The following ODAD1 variants were observed in gnomAD, a reference collection of about 807,000 sequenced individuals.
ODAD1 encodes outer dynein arm-docking complex subunit 1.
A neutral mutation model predicts 67.2 loss-of-function variants in ODAD1; 49 were observed. That is an observed-to-expected ratio of 0.73 (90% CI 0.58 to 0.92). ODAD1 has a LOEUF of 0.92. Ranked by LOEUF, ODAD1 falls within the 40% of genes least tolerant of loss-of-function variation. The pLI is 0.00. For missense variants in ODAD1, 897 were observed against 953.7 expected, an observed-to-expected ratio of 0.94 and a Z score of 0.78; for synonymous variants, 345 against 393.7, an observed-to-expected ratio of 0.88 and a Z score of 1.46.
chr19:48,300,010 TA>T (rs565387758), intron 12 of ODAD1, among the ~76,000 whole-genome samples: 146 of 135,588 alleles, frequency 1.1e-3, no homozygotes, highest in East Asian at 1.1e-3. Context: ...ATCCTATCTC[TA>T]AAAAAAAAAA....
intron 8 of ODAD1, chr19:48,306,015 C>G (rs565129069): frequency 5.8e-6 from 1 of 172,618 alleles, no homozygotes; most frequent in Non-Finnish European, 1.1e-5. Flanking sequence ...GCCAAGATAG[C>G]GCAACTGCAC....
intron 1 of ODAD1, among the ~76,000 whole-genome samples, chr19:48,321,044 C>A (rs148306415): frequency 0.11 from 17,030 of 152,242 alleles, 1,332 homozygotes; most frequent in East Asian, 0.2. Context: ...CGAGACCAAC[C>A]TGGCCAACAT....
chr19:48,312,298 C>T (rs1432666702), intron 5 of ODAD1, among the ~76,000 whole-genome samples, 182 bp from the exon 6 acceptor site: 2 of 151,934 alleles, frequency 1.3e-5, no homozygotes, highest in Non-Finnish European at 2.9e-5. Flanking sequence ...CTTCCAACCA[C>T]AGTGTATCAC....
intron 15 of ODAD1, 28 bp from the exon 16 acceptor site, chr19:48,297,546 C>T (rs896767175): frequency 1.9e-6 from 3 of 1,597,714 alleles, no homozygotes; most frequent in Non-Finnish European, 2.6e-6. Context: ...TGGGCCCCGA[C>T]ACACACTGAG....
chr19:48,314,636 AT>A (rs1968851521), intron 5 of ODAD1, among the ~76,000 whole-genome samples: 1 of 152,002 alleles, frequency 6.6e-6, no homozygotes, highest in South Asian at 2.1e-4. Flanking sequence ...AGTTGCTGCA[AT>A]AAAAGCCAAA....
intron 10 of ODAD1, 70 bp from the exon 11 acceptor site, chr19:48,303,165 CAG>C: frequency 8.4e-7 from 1 of 1,196,830 alleles, no homozygotes. Flanking sequence ...AGAACAGAGA[CAG>C]AGAGGCATAC....
chr19:48,297,776 G>T, intron 14 of ODAD1, 108 bp from the exon 15 acceptor site: 4 of 1,055,786 alleles, frequency 3.8e-6, no homozygotes, highest in Non-Finnish European at 5.3e-6. Context: ...CACCAGCCCC[G>T]AGTGCCCTTC....
In ODAD1 at chr19:48,298,308, C is replaced by T. The variant is rs560134827; in HGVS notation, c.1273G>A (p.Asp425Asn). ...AGGAGGTCATCGATCATGCTGCTGT[C>T]GCAATGGGCCTTGGTGAAGAGGAGC... is the stretch of plus-strand genomic sequence containing the variant. ...IQLLFTKAHC[D>N]SSMIDDLLGV... The change falls in exon 13 of 16, where the codon GAC (aspartate) becomes AAC (asparagine). Residue 425 changes from aspartate to asparagine, a missense_variant. Physicochemically the swap from Asp to Asn is conservative, Grantham distance 23. Coordinates refer to ENST00000674294, the MANE Select transcript of ODAD1 (RefSeq NM_001364171.2). The T allele has an allele frequency of 9.5e-5, 154 of 1,614,178 alleles. 3 individuals are homozygous for T. In the South Asian group the frequency reaches 1.6e-3, roughly 17 times the overall value.
chr19:48,314,989 G>C (rs1271014491), intron 5 of ODAD1, among the ~76,000 whole-genome samples: 1 of 152,054 alleles, frequency 6.6e-6, no homozygotes, highest in East Asian at 1.9e-4. Context: ...TGACACTGGG[G>C]GAAAATGCAG....
At chr19:48,298,428 C>T (rs574106936) in intron 12 of ODAD1, 88 bp from the exon 13 acceptor site, 18 of 1,361,158 alleles carry the variant, frequency 1.3e-5, no homozygotes, top group Admixed American at 3.8e-5. Context: ...CTGCCCCATT[C>T]TACAGAGACT....
intron 5 of ODAD1, among the ~76,000 whole-genome samples, chr19:48,314,710 G>A: frequency 6.6e-6 from 1 of 152,040 alleles, no homozygotes; most frequent in African/African-American, 2.4e-5. Context: ...AGAGGCCGAG[G>A]CGAGTGGATC....
chr19:48,308,069 A>G (rs1968664069), intron 7 of ODAD1, among the ~76,000 whole-genome samples: 1 of 152,210 alleles, frequency 6.6e-6, no homozygotes, highest in Non-Finnish European at 1.5e-5. Flanking sequence ...CAATTTGAAT[A>G]TTAAAATGAA....
chr19:48,300,831 T>C (rs8102288), intron 12 of ODAD1, among the ~76,000 whole-genome samples: 22,160 of 152,130 alleles, frequency 0.15, 1,824 homozygotes, highest in Non-Finnish European at 0.17. Flanking sequence ...ATGGCTAATA[T>C]TAAAATGGCT....
chr19:48,303,933 G>C lies in ODAD1; in HGVS notation c.853+20C>G. The C allele has an allele frequency of 6.2e-7, 1 of 1,608,160 alleles. No individual in the cohort carries two copies. The highest frequency in any genetic ancestry group is 8.5e-7 in the Non-Finnish European group (1 of 1,175,404). ...GGCGGCCAGGCCCTTGAGATGCAAA[G>C]GCAGCAGCCCCAGCCTCACCCTGCT... On this transcript the variant is annotated intron_variant, in intron 9 of 15. Transcript: ENST00000674294.
chr19:48,318,881 A>G (rs1968970564), intron 3 of ODAD1, 69 bp from the exon 4 acceptor site: 2 of 963,716 alleles, frequency 2.1e-6, no homozygotes, highest in Admixed American at 2.0e-5. Flanking sequence ...CCCAGGACCT[A>G]GGAATTCTGC....
chr19:48,321,071 T>C (rs1569014219), intron 1 of ODAD1, among the ~76,000 whole-genome samples: 1 of 152,152 alleles, frequency 6.6e-6, no homozygotes, highest in Non-Finnish European at 1.5e-5. Flanking sequence ...ACCCCGTCTC[T>C]ACTAAAAGTA....
At position 48,311,570 on chromosome 19, in the gene ODAD1, C is replaced by G; in HGVS notation, c.580G>C (p.Asp194His). 6.5e-7 allele frequency: 1 copy of G among 1,549,588 alleles called. No individual in the cohort carries two copies. The highest frequency in any genetic ancestry group is 8.7e-7 in the Non-Finnish European group (1 of 1,145,270). Residue 194 changes from aspartate (D) to histidine (H), a missense_variant, in exon 7 of 16, where the codon GAC becomes CAC. Asp to His is a moderately conservative substitution (Grantham distance 81, BLOSUM62 -1). Transcript: ENST00000674294. The part of the protein sequence containing the change: ...RIDRNRYLNV[D>H]RKLKKEIHHL... ...CCACTGACCTTCTTCAGCTTGCGGT[C>G]CACGTTCAGATAGCGGTTCCTGTCG...
Position 48,321,745 on chromosome 19 carries a change from G to A in ODAD1, c.-131C>T, listed in dbSNP as rs1028403757. The A allele has an allele frequency of 2.8e-5, 11 of 397,896 alleles. No homozygotes were observed. Among genetic ancestry groups the A allele is most frequent in the Non-Finnish European group, 4.9e-5 (11 of 225,694 alleles). The allele number at this position is 397,896 out of a possible 1,614,324, so 24.6% of individuals were successfully genotyped here. A position where few individuals can be genotyped will look rare whatever the true frequency, so the allele number is the denominator to read the frequency against. On this transcript the variant is annotated 5_prime_UTR_variant, in exon 1 of 16. Coordinates refer to ENST00000674294, the MANE Select transcript of ODAD1 (RefSeq NM_001364171.2). ...CCTGTATGGAAGCCCTCGAAGCCAG[G>A]CCGAGGTCCTACAAGACGGAGCCCG...
At position 48,297,229 on chromosome 19, in the gene ODAD1, G is replaced by T. The variant is rs1968314802; in HGVS notation, c.1871C>A (p.Thr624Asn). 1 of 1,614,134 alleles carries T rather than the reference G, an allele frequency of 6.2e-7. No individual in the cohort carries two copies. Among genetic ancestry groups the T allele is most frequent in the Non-Finnish European group, 8.5e-7 (1 of 1,180,010 alleles). ...ACTCGAGGCACTGGTGGAGCCGAAG[G>T]TCACGTGGCCAGTGTTGGGGTCACC... ...THGDPNTGHV[T>N]FGSTSASSGG... The change falls in exon 16 of 16, where the codon ACC becomes AAC. Residue 624 changes from threonine to asparagine, a missense_variant. Physicochemically the swap from Thr to Asn is moderately conservative, Grantham distance 65. Transcript: ENST00000674294.
Sources: gnomAD v4.1 joint callset for allele counts (sites outside exome capture counted in the v4.1 genomes callset) on GRCh38, gnomAD v4.1.1 for gene constraint, MANE v1.5 for transcripts, NCBI Gene and HGNC (gene_info 2026-07-23, HGNC 2026-07-21) for gene names.